Variants in AGBL4 observed in about 807,000 individuals in gnomAD.
AGBL4 encodes cytosolic carboxypeptidase 6.
A neutral mutation model predicts 66.4 loss-of-function variants in AGBL4; 58 were observed. That is an observed-to-expected ratio of 0.87 (90% CI 0.71 to 1.09). The LOEUF is 1.09. Among genes scored for constraint, AGBL4 ranks in the 50% least tolerant of loss-of-function variants. AGBL4 has a pLI of 0.00. For synonymous variants in AGBL4, 234 were observed against 222.9 expected (o/e 1.05, Z -0.44); for missense variants, 579 against 631.0 (o/e 0.92, Z 0.88).
chr1:49,261,427 A>C (rs1653154937), intron 3 of AGBL4, among the ~76,000 whole-genome samples: 1 of 152,136 alleles, frequency 6.6e-6, no homozygotes, highest in African/African-American at 2.4e-5. Flanking sequence ...CTCAGCCCAA[A>C]ATCTCCTTAA....
intron 2 of AGBL4, among the ~76,000 whole-genome samples, chr1:49,832,873 A>G (rs965814580): frequency 6.6e-6 from 1 of 151,836 alleles, no homozygotes; most frequent in African/African-American, 2.4e-5. Context: ...GTTTGAGTTC[A>G]TTGTAGATTC....
At chr1:49,507,048 G>T (rs1434497920) in intron 3 of AGBL4, among the ~76,000 whole-genome samples, 1 of 152,000 alleles carries the variant, frequency 6.6e-6, no homozygotes, top group African/African-American at 2.4e-5. Flanking sequence ...CTGAAGACCT[G>T]TCTCAAGAAG....
chr1:49,792,221 C>T (rs953688221), intron 2 of AGBL4, among the ~76,000 whole-genome samples: 4 of 152,012 alleles, frequency 2.6e-5, no homozygotes, highest in African/African-American at 9.6e-5. Context: ...TATGGATCAG[C>T]AACTTATAGA....
intron 3 of AGBL4, among the ~76,000 whole-genome samples, chr1:49,570,021 A>G (rs571423994): frequency 7.2e-5 from 11 of 152,256 alleles, no homozygotes; most frequent in African/African-American, 2.6e-4. Context: ...CTTTGTTATT[A>G]TGAATAGTGC....
intron 9 of AGBL4, among the ~76,000 whole-genome samples, chr1:48,631,954 T>C (rs1399204237): frequency 6.6e-6 from 1 of 152,228 alleles, no homozygotes; most frequent in Non-Finnish European, 1.5e-5. Flanking sequence ...TATAAATACA[T>C]ACTTATCAGT....
At chr1:49,893,987 T>C (rs111814771) in intron 1 of AGBL4, among the ~76,000 whole-genome samples, 1 of 152,190 alleles carries the variant, frequency 6.6e-6, no homozygotes, top group African/African-American at 2.4e-5. Flanking sequence ...CTGATGCTCA[T>C]GTCAGCCCAA....
chr1:49,902,906 G>A (rs764936772), intron 1 of AGBL4, among the ~76,000 whole-genome samples: 5 of 152,170 alleles, frequency 3.3e-5, no homozygotes, highest in South Asian at 2.1e-4. Context: ...CAGTGGAAAT[G>A]TAAGTTAGTT....
At chr1:49,005,266 T>C (rs559646131) in intron 5 of AGBL4, among the ~76,000 whole-genome samples, 2 of 152,338 alleles carry the variant, frequency 1.3e-5, no homozygotes, top group South Asian at 2.1e-4. Context: ...AGTCCCTACT[T>C]ATCCATTTTC....
At chr1:49,436,465 C>A (rs890806731) in intron 3 of AGBL4, among the ~76,000 whole-genome samples, 1 of 152,098 alleles carries the variant, frequency 6.6e-6, no homozygotes, top group Non-Finnish European at 1.5e-5. Context: ...TTAGAATACT[C>A]ACCTAAAGAA....
At chr1:48,875,903 A>G (rs1174370982) in intron 5 of AGBL4, among the ~76,000 whole-genome samples, 1 of 152,146 alleles carries the variant, frequency 6.6e-6, no homozygotes. Flanking sequence ...ATTGCCTCTG[A>G]AGCCTACGCT....
intron 2 of AGBL4, among the ~76,000 whole-genome samples, chr1:49,778,101 G>T (rs1404874293): frequency 6.6e-6 from 1 of 152,146 alleles, no homozygotes; most frequent in Non-Finnish European, 1.5e-5. Context: ...GTACATCTGA[G>T]ATAATTGGGC....
chr1:48,827,370 A>G (rs1646448662), intron 6 of AGBL4, among the ~76,000 whole-genome samples: 1 of 152,200 alleles, frequency 6.6e-6, no homozygotes, highest in African/African-American at 2.4e-5. Flanking sequence ...CTTTGTAAAT[A>G]TTAACTCTTA....
chr1:49,213,711 T>G (rs183037811), intron 4 of AGBL4, among the ~76,000 whole-genome samples: 15 of 152,228 alleles, frequency 9.9e-5, no homozygotes, highest in Admixed American at 2.6e-4. Flanking sequence ...CAGCCTAATA[T>G]AATATACAAG....
Position 48,808,876 on chromosome 1 carries a change from A to G in AGBL4, c.634+58315T>C, listed in dbSNP as rs201490662. Reference sequence around the variant, plus strand: ...AGGACTAAGTGAAGAGCTGCACAGAAAGCTCCTTTTATATCTGGAGCACAG... The same window carrying G: ...AGGACTAAGTGAAGAGCTGCACAGAGAGCTCCTTTTATATCTGGAGCACAG... On this transcript the variant is annotated intron_variant, in intron 6 of 13. Transcript: ENST00000371839. Among the ~76,000 whole-genome samples the G allele has an allele frequency of 1.1e-4, 17 of 152,336 alleles. No individual in the cohort carries two copies. In the East Asian group the frequency reaches 3.3e-3, roughly 29 times the overall value.
intron 3 of AGBL4, among the ~76,000 whole-genome samples, chr1:49,582,062 T>G (rs1028494854): frequency 1.3e-5 from 2 of 152,072 alleles, no homozygotes; most frequent in African/African-American, 4.8e-5. Context: ...CAGCAGGGTG[T>G]TCATGCTTGA....
intron 3 of AGBL4, among the ~76,000 whole-genome samples, chr1:49,344,212 T>C (rs1470787859): frequency 1.3e-5 from 2 of 152,158 alleles, no homozygotes; most frequent in East Asian, 3.8e-4. Flanking sequence ...AGAGTTAACA[T>C]TGTAACATAT....
intron 5 of AGBL4, among the ~76,000 whole-genome samples, chr1:49,035,690 C>A (rs1443724773): frequency 6.6e-6 from 1 of 152,036 alleles, no homozygotes; most frequent in African/African-American, 2.4e-5. Context: ...CAATTAACAA[C>A]AGCCTGACTA....
chr1:49,765,748 A>G (rs1051363719), intron 2 of AGBL4, among the ~76,000 whole-genome samples: 2 of 152,164 alleles, frequency 1.3e-5, no homozygotes, highest in African/African-American at 2.4e-5. Context: ...TGAAAAATCA[A>G]TCAGAACAAT....
rs544600115 is a variant in AGBL4 at position 48,630,071 on chromosome 1, C to T, written c.951+4422G>A. Among the ~76,000 whole-genome samples the T allele has an allele frequency of 2.7e-4, 41 of 152,294 alleles. No homozygotes were observed. The South Asian group carries it at 5.2e-3, about 19-fold the overall frequency. On this transcript the variant is annotated intron_variant, in intron 9 of 13. Transcript: ENST00000371839. ...TTCCCTGGGGGACAATCAATCATAA[C>T]TGGCAAACAGGGGCCAGGCCACAGT... is the stretch of plus-strand genomic sequence containing the variant.
Sources: gnomAD v4.1 joint callset for allele counts (sites outside exome capture counted in the v4.1 genomes callset) on GRCh38, gnomAD v4.1.1 for gene constraint, MANE v1.5 for transcripts, NCBI Gene and HGNC (gene_info 2026-07-23, HGNC 2026-07-21) for gene names.